PDE9A: variants seen among roughly 807,000 people sequenced by gnomAD.
The protein encoded by PDE9A is phosphodiesterase 9A.
Under a neutral mutation model 87.4 loss-of-function variants are expected in PDE9A, and 60 were observed. The ratio of observed to expected loss-of-function variants is 0.69; its 90% CI spans 0.56 to 0.85. The LOEUF (loss-of-function observed/expected upper bound fraction) is 0.85. Among genes scored for constraint, PDE9A ranks in the 40% least tolerant of loss-of-function variants. The pLI is 0.00. For missense variants in PDE9A, 665 were observed against 779.0 expected (o/e 0.85, Z 1.74); for synonymous variants, 272 against 279.4 (o/e 0.97, Z 0.27).
chr21:42,754,196 A>C (rs1224969463), intron 10 of PDE9A, 132 bp downstream of exon 10: 5 of 611,490 alleles, frequency 8.2e-6, no homozygotes, highest in Admixed American at 3.0e-5. Context: ...GAAAAAAAAA[A>C]ACAAAACTTG....
At position 42,685,317 on chromosome 21, in the gene PDE9A, G is replaced by A. The variant is rs148822650; in HGVS notation, c.70-875G>A. On this transcript the variant is annotated intron_variant, in intron 1 of 19. Coordinates refer to ENST00000291539, the MANE Select transcript of PDE9A (RefSeq NM_002606.3). ...CCCGGCGGCACTGGGGAGCGAGCGC[G>A]GCCATCCCGCGCGTAGGTGGTGTTT... 1.1e-4 allele frequency among the ~76,000 whole-genome samples: 16 copies of A among 152,358 alleles called. No individual in the cohort carries two copies. In the East Asian group the frequency reaches 2.7e-3, roughly 26 times the overall value.
chr21:42,677,799 C>A (rs752485798), intron 1 of PDE9A, among the ~76,000 whole-genome samples: 1 of 152,148 alleles, frequency 6.6e-6, no homozygotes, highest in Admixed American at 6.5e-5. Flanking sequence ...CATGCCCCCA[C>A]GCCCAGCTAA....
chr21:42,748,767 T>C (rs1009892780), intron 8 of PDE9A, among the ~76,000 whole-genome samples: 7 of 152,186 alleles, frequency 4.6e-5, no homozygotes, highest in Admixed American at 3.3e-4. Flanking sequence ...AATAAATAGA[T>C]TAAATTTTAA....
intron 18 of PDE9A, 123 bp from the exon 19 acceptor site, chr21:42,772,316 G>A (rs2057093943): frequency 3.1e-6 from 2 of 651,604 alleles, no homozygotes; most frequent in South Asian, 1.7e-5. Flanking sequence ...GGCTCAGAGG[G>A]GCTGGGGACC....
At chr21:42,726,624 A>ATATATTTTTTTTTTTTTTT in intron 4 of PDE9A, among the ~76,000 whole-genome samples, 1 of 19,780 alleles carries the variant, frequency 5.1e-5, no homozygotes. Flanking sequence ...ATATATATAT[A>ATATATTTTTTTTTTTTTTT]TTTTTTTTTT....
chr21:42,670,246 C>T (rs1465022526), intron 1 of PDE9A, among the ~76,000 whole-genome samples: 2 of 117,492 alleles, frequency 1.7e-5, no homozygotes, highest in East Asian at 2.4e-4. Context: ...CACACTCATA[C>T]ACATACATAC....
At chr21:42,718,486 T>A (rs1200136907) in intron 4 of PDE9A, among the ~76,000 whole-genome samples, 1 of 151,800 alleles carries the variant, frequency 6.6e-6, no homozygotes, top group Non-Finnish European at 1.5e-5. Flanking sequence ...TTCTTTGCCC[T>A]TCAAATTGGG....
rs551325277 is a variant in PDE9A, at chr21:42,688,006, C to T, written c.218+12C>T. On this transcript the variant is annotated intron_variant, in intron 3 of 19. Coordinates refer to ENST00000291539, the MANE Select transcript of PDE9A (RefSeq NM_002606.3). ...GCGAATTCAGAACGGTAAGAGGCTC[C>T]GGCCGCGCTCCTCGGGGTGTGCCTG... 129 of 1,608,348 alleles carry T rather than the reference C, an allele frequency of 8.0e-5. No individual in the cohort carries two copies. Among genetic ancestry groups the T allele is most frequent in the Non-Finnish European group, 9.7e-5 (114 of 1,177,164 alleles).
At position 42,754,116 on chromosome 21, in the gene PDE9A, C is replaced by T. The variant is rs757937979; in HGVS notation, c.810+52C>T. The T allele has an allele frequency of 5.3e-6, 6 of 1,138,822 alleles. No individual in the cohort carries two copies. In the Admixed American group the frequency reaches 1.1e-4, roughly 20 times the overall value. The allele number at this position is 1,138,822 out of a possible 1,614,324, so 70.5% of individuals were successfully genotyped here. On this transcript the variant is annotated intron_variant, in intron 10 of 19. Transcript: ENST00000291539. ...GTCCCAGGGGGAGGCAGCTCAGGAT[C>T]TTGGACGCCAGTGGGACCACCCCCA...
intron 16 of PDE9A, chr21:42,768,670 CG>C (rs2056626818): frequency 1.0e-6 from 1 of 985,424 alleles, no homozygotes; most frequent in African/African-American, 1.7e-5. Flanking sequence ...CGGGGAAGGT[CG>C]GGGACATAGA....
chr21:42,737,830 T>C (rs1569224215), intron 7 of PDE9A, among the ~76,000 whole-genome samples: 1 of 152,246 alleles, frequency 6.6e-6, no homozygotes. Context: ...TATTATATTG[T>C]GGTGGACTTG....
chr21:42,761,030 C>A, intron 13 of PDE9A, 123 bp downstream of exon 13: 1 of 705,762 alleles, frequency 1.4e-6, no homozygotes, highest in South Asian at 1.5e-5. Flanking sequence ...TCCCAGCCCC[C>A]AACTCTGCCT....
At position 42,695,413 on chromosome 21, in the gene PDE9A, A is replaced by T. The variant is rs988067481; in HGVS notation, c.219-3555A>T. Reference sequence around the variant, plus strand: ...ATTCCCCAGTCACTACTGCTTCAAGATGCAGTGGAAGGAGATAAATCAGAC... The same window carrying T: ...ATTCCCCAGTCACTACTGCTTCAAGTTGCAGTGGAAGGAGATAAATCAGAC... On this transcript the variant is annotated intron_variant, in intron 3 of 19. Transcript: ENST00000291539. This position sits in a 1 kb window ranked among gnomAD's most constrained non-coding sequence, Gnocchi z 4.3. 6.6e-6 allele frequency among the ~76,000 whole-genome samples: 1 copy of T among 152,144 alleles called. No individual in the cohort carries two copies. The highest frequency in any genetic ancestry group is 1.5e-5 in the Non-Finnish European group (1 of 68,032).
chr21:42,759,306 G>A lies in PDE9A; in HGVS notation c.897+221G>A, dbSNP rs1175605556. On this transcript the variant is annotated intron_variant, in intron 11 of 19. Transcript: ENST00000291539. This position sits in a 1 kb window ranked among gnomAD's most constrained non-coding sequence, Gnocchi z 7.2. ...GCCCGAGCTACTCCTGCTCTGATAAGCAAGGAGTAGCTTATCAGTGAGACT... is the reference window on the plus strand; with the variant it reads ...GCCCGAGCTACTCCTGCTCTGATAAACAAGGAGTAGCTTATCAGTGAGACT... 5.3e-5 allele frequency among the ~76,000 whole-genome samples: 8 copies of A among 152,142 alleles called. No individual in the cohort carries two copies. Among genetic ancestry groups the A allele is most frequent in the Non-Finnish European group, 1.2e-4 (8 of 68,032 alleles).
chr21:42,670,379 T>C (rs970966149), intron 1 of PDE9A, among the ~76,000 whole-genome samples: 2 of 107,632 alleles, frequency 1.9e-5, no homozygotes, highest in Non-Finnish European at 3.5e-5. Context: ...TTCACACACA[T>C]TCACATTTAC....
intron 8 of PDE9A, among the ~76,000 whole-genome samples, chr21:42,747,018 C>T (rs968700335): frequency 3.9e-5 from 6 of 152,204 alleles, no homozygotes; most frequent in African/African-American, 1.2e-4. Context: ...AATTCTCAAG[C>T]GTTGTCGACA....
chr21:42,732,774 C>T lies in PDE9A; in HGVS notation c.498-582C>T, dbSNP rs556829834. Among the ~76,000 whole-genome samples, 7 of 152,176 alleles carry T rather than the reference C, an allele frequency of 4.6e-5. No individual in the cohort carries two copies. In the South Asian group the frequency reaches 8.3e-4, roughly 18 times the overall value. Reference sequence around the variant, plus strand: ...TACGAAAAATACAAAATTAGCCGGGCGTGGTGGCACATGCCTGTAATCCCA... The same window carrying T: ...TACGAAAAATACAAAATTAGCCGGGTGTGGTGGCACATGCCTGTAATCCCA... On this transcript the variant is annotated intron_variant, in intron 6 of 19. Transcript: ENST00000291539.
At chr21:42,756,381 C>T (rs1342873776) in intron 10 of PDE9A, among the ~76,000 whole-genome samples, 1 of 152,208 alleles carries the variant, frequency 6.6e-6, no homozygotes, top group Non-Finnish European at 1.5e-5. Flanking sequence ...ACGCATGAGG[C>T]ACCTGGCACT....
At chr21:42,740,660 ATAT>A (rs1216072912) in intron 7 of PDE9A, among the ~76,000 whole-genome samples, 1 of 150,948 alleles carries the variant, frequency 6.6e-6, no homozygotes. Flanking sequence ...GATAGATAGT[ATAT>A]AAATGGATGG....
Sources: gnomAD v4.1 joint callset for allele counts (sites outside exome capture counted in the v4.1 genomes callset) on GRCh38, gnomAD v4.1.1 for gene constraint, Gnocchi (gnomAD v3.1) non-coding constraint, MANE v1.5 for transcripts, NCBI Gene and HGNC (gene_info 2026-07-23, HGNC 2026-07-21) for gene names.